The following CACNA2D3 variants were observed in gnomAD, a reference collection of about 807,000 sequenced individuals.
CACNA2D3 encodes voltage-dependent calcium channel subunit alpha-2/delta-3.
In CACNA2D3, 60 loss-of-function variants were observed where a neutral mutation model predicts 160.6. That is an observed-to-expected ratio of 0.37 (90% CI 0.30 to 0.46). The LOEUF is 0.46. Ranked by LOEUF, CACNA2D3 falls within the 20% of genes least tolerant of loss-of-function variation. CACNA2D3 has a pLI of 1.00. For missense variants in CACNA2D3, 1,205 were observed against 1,365.0 expected (o/e 0.88, Z 1.85); for synonymous variants, 558 against 492.9 (o/e 1.13, Z -1.75).
chr3:54,939,159 C>T (rs754356133), intron 27 of CACNA2D3, among the ~76,000 whole-genome samples: 49 of 152,224 alleles, frequency 3.2e-4, no homozygotes, highest in Non-Finnish European at 1.0e-4. Context: ...CTGAATCCAA[C>T]ATCTGAAACT....
intron 35 of CACNA2D3, among the ~76,000 whole-genome samples, chr3:55,040,031 G>A (rs1404575701): frequency 6.6e-6 from 1 of 152,120 alleles, no homozygotes; most frequent in Non-Finnish European, 1.5e-5. Context: ...CATTTTTGGA[G>A]GCTGGGAGGT....
chr3:54,390,656 ACTGG>A (rs879387632), intron 4 of CACNA2D3, among the ~76,000 whole-genome samples: 13 of 152,188 alleles, frequency 8.5e-5, no homozygotes, highest in Non-Finnish European at 1.5e-4. Context: ...CCTTTGATAA[ACTGG>A]CTGTGCATGG....
intron 13 of CACNA2D3, among the ~76,000 whole-genome samples, chr3:54,775,588 A>G (rs923994546): frequency 2.0e-5 from 3 of 152,184 alleles, no homozygotes; most frequent in African/African-American, 7.2e-5. Context: ...CCTTTAGTTT[A>G]CAACAGAGTG....
At chr3:54,928,226 G>T (rs75510138) in intron 27 of CACNA2D3, among the ~76,000 whole-genome samples, 1 of 152,082 alleles carries the variant, frequency 6.6e-6, no homozygotes, top group Non-Finnish European at 1.5e-5. Context: ...GATGAGCCGC[G>T]TAAAGAATGT....
intron 2 of CACNA2D3, among the ~76,000 whole-genome samples, chr3:54,279,449 C>G (rs1702820723): frequency 1.3e-5 from 2 of 152,116 alleles, no homozygotes; most frequent in African/African-American, 2.4e-5. Context: ...GGAATCCTGA[C>G]AAGCTCCCTC....
intron 5 of CACNA2D3, among the ~76,000 whole-genome samples, chr3:54,523,413 ATTC>A (rs1290417764): frequency 6.6e-6 from 1 of 152,124 alleles, no homozygotes; most frequent in Non-Finnish European, 1.5e-5. Flanking sequence ...ATGGTATATA[ATTC>A]TTCTTAAGTG....
At chr3:54,359,332 C>T (rs1008223281) in intron 3 of CACNA2D3, among the ~76,000 whole-genome samples, 10 of 152,138 alleles carry the variant, frequency 6.6e-5, no homozygotes, top group African/African-American at 1.2e-4. Context: ...CCTGCTTAAA[C>T]GTTGAACTGG....
At chr3:54,929,664 C>T (rs749243714) in intron 27 of CACNA2D3, among the ~76,000 whole-genome samples, 1 of 152,110 alleles carries the variant, frequency 6.6e-6, no homozygotes, top group Non-Finnish European at 1.5e-5. Flanking sequence ...ATACAATGGG[C>T]AAAAGTCAGG....
chr3:55,022,555 C>CTTCT (rs1283927740), intron 35 of CACNA2D3, among the ~76,000 whole-genome samples: 3 of 122,628 alleles, frequency 2.4e-5, no homozygotes, highest in Non-Finnish European at 4.9e-5. Context: ...TCTTTCCTTC[C>CTTCT]TTCTTTCTTT....
At chr3:54,132,900 A>G (rs1576947572) in intron 2 of CACNA2D3, among the ~76,000 whole-genome samples, 2 of 152,170 alleles carry the variant, frequency 1.3e-5, no homozygotes, top group East Asian at 3.9e-4. Flanking sequence ...ACTAACTTCT[A>G]GGGTGAGTTG....
intron 27 of CACNA2D3, among the ~76,000 whole-genome samples, chr3:54,924,288 G>T (rs1450421226): frequency 6.6e-6 from 1 of 152,206 alleles, no homozygotes; most frequent in African/African-American, 2.4e-5. Context: ...AGAGGTTGGT[G>T]TTATTTGGGG....
chr3:54,774,651 T>TTC, intron 13 of CACNA2D3, among the ~76,000 whole-genome samples: 1 of 144,422 alleles, frequency 6.9e-6, no homozygotes, highest in East Asian at 2.0e-4. Flanking sequence ...TTTTTTTTTT[T>TTC]TGAAATGGAG....
intron 17 of CACNA2D3, among the ~76,000 whole-genome samples, chr3:54,858,549 A>C (rs577550425): frequency 6.6e-6 from 1 of 152,352 alleles, no homozygotes; most frequent in African/African-American, 2.4e-5. Flanking sequence ...AGAAGCAGGC[A>C]TTGCATTAGA....
At chr3:54,666,336 A>G (rs997424989) in intron 11 of CACNA2D3, among the ~76,000 whole-genome samples, 2 of 152,260 alleles carry the variant, frequency 1.3e-5, no homozygotes, top group Admixed American at 6.5e-5. Flanking sequence ...ATAAAAATAT[A>G]TTCTTTACAA....
intron 3 of CACNA2D3, among the ~76,000 whole-genome samples, chr3:54,336,950 T>C (rs1704395036): frequency 6.6e-6 from 1 of 151,944 alleles, no homozygotes; most frequent in African/African-American, 2.4e-5. Context: ...GGGGAGGGAA[T>C]AAGAGTAGAG....
At chr3:54,409,150 A>G (rs1047861141) in intron 4 of CACNA2D3, among the ~76,000 whole-genome samples, 14 of 152,228 alleles carry the variant, frequency 9.2e-5, no homozygotes, top group African/African-American at 3.4e-4. Flanking sequence ...CCTGAGTTGA[A>G]CAAGTTTACT....
intron 11 of CACNA2D3, among the ~76,000 whole-genome samples, chr3:54,726,653 A>C (rs1412284410): frequency 4.6e-5 from 7 of 152,236 alleles, no homozygotes; most frequent in Admixed American, 4.6e-4. Flanking sequence ...GACACAAACA[A>C]GTAATGGGGA....
At chr3:54,899,139 G>A (rs1238500622) in intron 26 of CACNA2D3, among the ~76,000 whole-genome samples, 2 of 152,132 alleles carry the variant, frequency 1.3e-5, no homozygotes, top group Non-Finnish European at 2.9e-5. Flanking sequence ...TTAACTCCAG[G>A]CATTCAGAAT....
At chr3:54,771,769 A>G (rs1390844953) in intron 13 of CACNA2D3, among the ~76,000 whole-genome samples, 5 of 152,182 alleles carry the variant, frequency 3.3e-5, no homozygotes, top group African/African-American at 1.2e-4. Flanking sequence ...TATACCAGGG[A>G]TATCCCATCA....
Sources: allele counts gnomAD v4.1 joint callset (sites outside exome capture counted in the v4.1 genomes callset), GRCh38; gene constraint gnomAD v4.1.1; transcripts MANE v1.5; gene names NCBI Gene and HGNC (gene_info 2026-07-23, HGNC 2026-07-21).